Variants in EFCAB14 observed in about 807,000 individuals in gnomAD.
EFCAB14 encodes the protein EF-hand calcium binding domain 14, also known as EF-hand calcium-binding domain-containing protein 14.
A neutral mutation model predicts 56.5 loss-of-function variants in EFCAB14; 43 were observed. The observed-to-expected ratio is 0.76, with a 90% CI of 0.60 to 0.98. The LOEUF (loss-of-function observed/expected upper bound fraction) is 0.98, where lower values mean the gene tolerates loss of function less well. Among genes scored for constraint, EFCAB14 ranks in the 50% least tolerant of loss-of-function variants. The probability of loss-of-function intolerance (pLI) is 0.00; values close to 1 mark genes in which losing one functional copy is unlikely to be tolerated. For synonymous variants in EFCAB14, 235 were observed against 212.9 expected (o/e 1.10, Z -0.90); for missense variants, 538 against 580.3 (o/e 0.93, Z 0.75).
At chr1:46,709,420 A>C (rs777909341) in intron 2 of EFCAB14, among the ~76,000 whole-genome samples, 1 of 152,124 alleles carries the variant, frequency 6.6e-6, no homozygotes, top group Non-Finnish European at 1.5e-5. Flanking sequence ...AAGATTCAGC[A>C]CCAACAGCCA....
At chr1:46,691,316 GCT>G (rs1483648061) in intron 5 of EFCAB14, among the ~76,000 whole-genome samples, 3 of 152,172 alleles carry the variant, frequency 2.0e-5, no homozygotes, top group Non-Finnish European at 4.4e-5. Context: ...TGGGGGTGGT[GCT>G]GTTCCATGTG....
intron 9 of EFCAB14, 177 bp downstream of exon 9, chr1:46,684,314 C>T: frequency 1.7e-6 from 1 of 582,702 alleles, no homozygotes; most frequent in Non-Finnish European, 3.1e-6. Context: ...GAGTACAAAT[C>T]ATGTACAAAA....
intron 4 of EFCAB14, among the ~76,000 whole-genome samples, chr1:46,695,575 T>C (rs991869721): frequency 2.0e-5 from 3 of 152,244 alleles, no homozygotes; most frequent in African/African-American, 7.2e-5. Context: ...ATTTTTATAA[T>C]TCAAAGATCC....
intron 3 of EFCAB14, among the ~76,000 whole-genome samples, chr1:46,705,825 A>G (rs1234883228): frequency 1.3e-5 from 2 of 150,372 alleles, no homozygotes; most frequent in African/African-American, 4.9e-5. Context: ...AAGTGTAGTG[A>G]TTTTTTTTTG....
At chr1:46,691,713 G>A in intron 5 of EFCAB14, 114 bp downstream of exon 5, 3 of 646,412 alleles carry the variant, frequency 4.6e-6, no homozygotes, top group Non-Finnish European at 8.1e-6. Context: ...CTGCTTATTA[G>A]ATCTTTTGAA....
At chr1:46,695,428 C>A (rs1268392469) in intron 4 of EFCAB14, among the ~76,000 whole-genome samples, 1 of 152,134 alleles carries the variant, frequency 6.6e-6, no homozygotes, top group Non-Finnish European at 1.5e-5. Context: ...ATTATGGAGA[C>A]TGAGCACACA....
At position 46,691,876 on chromosome 1, in the gene EFCAB14, T is replaced by G. The variant is rs763082783; in HGVS notation, c.641A>C (p.Lys214Thr). Residue 214 changes from lysine to threonine, a missense_variant, in exon 5 of 11, where the codon AAA becomes ACA. By Grantham distance (78) the Lys-to-Thr change is moderately conservative. Transcript: ENST00000371933. ...CGTTTTCTTGTGTTCATCCACAGTT[T>G]TCTGTAGTGCTTCCACAGCAAGATG... ...SVHLAVEALQ[K>T]TVDEHKKTME... 6.2e-7 allele frequency: 1 copy of G among 1,613,658 alleles called. No individual in the cohort carries two copies. The highest frequency in any genetic ancestry group is 8.5e-7 in the Non-Finnish European group (1 of 1,179,760).
At chr1:46,713,497 T>C (rs567242246) in intron 2 of EFCAB14, among the ~76,000 whole-genome samples, 2 of 152,162 alleles carry the variant, frequency 1.3e-5, no homozygotes, top group Admixed American at 1.3e-4. Flanking sequence ...GTCTATTATA[T>C]GTACAAGTAC....
At chr1:46,707,085 T>C (rs900048999) in intron 3 of EFCAB14, among the ~76,000 whole-genome samples, 1 of 152,210 alleles carries the variant, frequency 6.6e-6, no homozygotes, top group Non-Finnish European at 1.5e-5. Flanking sequence ...ACAGCACTCC[T>C]TGTCACTACT....
intron 10 of EFCAB14, among the ~76,000 whole-genome samples, chr1:46,680,616 T>C (rs888312163): frequency 1.2e-4 from 18 of 152,168 alleles, no homozygotes; most frequent in African/African-American, 4.3e-4. Flanking sequence ...ACAGAGATTC[T>C]GTGAGGGGTG....
chr1:46,691,362 A>T (rs1676988760), intron 5 of EFCAB14, among the ~76,000 whole-genome samples: 1 of 152,142 alleles, frequency 6.6e-6, no homozygotes, highest in African/African-American at 2.4e-5. Flanking sequence ...GCCTGGCTGG[A>T]GCTGGAACAT....
intron 3 of EFCAB14, among the ~76,000 whole-genome samples, chr1:46,703,756 G>A (rs1349289210): frequency 6.6e-6 from 1 of 152,096 alleles, no homozygotes; most frequent in Non-Finnish European, 1.5e-5. Context: ...AACCAAGAAG[G>A]CAGCATGTCA....
At chr1:46,684,650 C>T in intron 8 of EFCAB14, 48 bp from the exon 9 acceptor site, 1 of 1,461,090 alleles carries the variant, frequency 6.8e-7, no homozygotes, top group Non-Finnish European at 9.6e-7. Flanking sequence ...AGTAAGACTT[C>T]ATCTAAGTGT....
intron 1 of EFCAB14, among the ~76,000 whole-genome samples, chr1:46,716,666 G>T (rs1021136262): frequency 3.3e-5 from 5 of 152,198 alleles, no homozygotes; most frequent in Admixed American, 3.3e-4. Flanking sequence ...AACAGAAGGA[G>T]TTCCTGCAGG....
intron 5 of EFCAB14, 73 bp downstream of exon 5, chr1:46,691,754 T>C: frequency 9.3e-7 from 1 of 1,069,782 alleles, no homozygotes; most frequent in East Asian, 2.4e-5. Context: ...TTCAGATTAG[T>C]GGAAAGTTGG....
At chr1:46,701,325 A>C (rs534927585) in intron 3 of EFCAB14, among the ~76,000 whole-genome samples, 1 of 152,164 alleles carries the variant, frequency 6.6e-6, no homozygotes, top group Non-Finnish European at 1.5e-5. Flanking sequence ...TTAGTGCCCC[A>C]AAGTATGTAC....
Position 46,700,982 on chromosome 1 carries a change from A to AGT in EFCAB14, c.481-4335_481-4334dup, listed in dbSNP as rs1464542399. Among the ~76,000 whole-genome samples the AGT allele has an allele frequency of 7.2e-3, 544 of 75,856 alleles. 4 individuals are homozygous for AGT. Among genetic ancestry groups the AGT allele is most frequent in the Admixed American group, 7.4e-3 (50 of 6,792 alleles). 49.8% of individuals were successfully genotyped at this position (75,856 alleles called of 152,430 possible). A position where few individuals can be genotyped will look rare whatever the true frequency, so the allele number is the denominator to read the frequency against. ...GAGAGAGAGAGAGAGAGAGAGAGTG[A>AGT]GTGAGTGTGTGTGTGTGTGTGTGTG... On this transcript the variant is annotated intron_variant, in intron 3 of 10. Coordinates refer to ENST00000371933, the MANE Select transcript of EFCAB14 (RefSeq NM_014774.3).
chr1:46,684,677 G>T, intron 8 of EFCAB14, 75 bp from the exon 9 acceptor site: 1 of 1,234,118 alleles, frequency 8.1e-7, no homozygotes, highest in Non-Finnish European at 1.2e-6. Flanking sequence ...TATTCCCAGA[G>T]CCTGTTTAGC....
Position 46,686,922 on chromosome 1 carries a change from A to G in EFCAB14, c.988-52T>C, listed in dbSNP as rs751423089. The stretch of plus-strand genomic sequence containing the variant: ...AACAAAGGGAAGATTAAAGGCAAAC[A>G]TTAAAACTTGAACACCTAGCACTTT... On this transcript the variant is annotated intron_variant, in intron 7 of 10. Coordinates refer to ENST00000371933, the MANE Select transcript of EFCAB14 (RefSeq NM_014774.3). 6 of 1,560,752 alleles carry G rather than the reference A, an allele frequency of 3.8e-6. No individual in the cohort carries two copies. The Admixed American group carries it at 8.4e-5, about 22-fold the overall frequency.
Sources: allele counts gnomAD v4.1 joint callset (sites outside exome capture counted in the v4.1 genomes callset), GRCh38; gene constraint gnomAD v4.1.1; transcripts MANE v1.5; gene names NCBI Gene and HGNC (gene_info 2026-07-23, HGNC 2026-07-21).